Variants in HELB observed in about 807,000 individuals in gnomAD.
The protein encoded by HELB is DNA 5'-3' helicase B.
Under a neutral mutation model 101.7 loss-of-function variants are expected in HELB, and 96 were observed. The ratio of observed to expected loss-of-function variants is 0.94; its 90% CI spans 0.80 to 1.12. HELB has a LOEUF of 1.12. Among genes scored for constraint, HELB ranks in the 50% most tolerant of loss-of-function variants. The pLI, the probability that HELB is intolerant of heterozygous loss-of-function variation, is 0.00. For synonymous variants in HELB, 437 were observed against 459.7 expected (o/e 0.95, Z 0.63); for missense variants, 1,210 against 1,291.9 (o/e 0.94, Z 0.97).
intron 12 of HELB, among the ~76,000 whole-genome samples, chr12:66,334,908 T>G (rs2053850498): frequency 6.6e-6 from 1 of 152,060 alleles, no homozygotes; most frequent in Non-Finnish European, 1.5e-5. Flanking sequence ...GAGAGCCTAG[T>G]GAAAGAGTGG....
intron 11 of HELB, among the ~76,000 whole-genome samples, chr12:66,330,943 A>G (rs543055657): frequency 1.1e-4 from 17 of 152,134 alleles, no homozygotes; most frequent in Non-Finnish European, 1.8e-4. Context: ...TTGTGGACCT[A>G]TGAAACCTGA....
rs1435080810 is a variant in HELB, at chr12:66,315,371, A to G, written c.1988A>G (p.Asp663Gly). 5 of 1,590,106 alleles carry G rather than the reference A, an allele frequency of 3.1e-6. No homozygotes were observed. The South Asian group carries it at 3.5e-5, about 11-fold the overall frequency. Residue 663 changes from aspartate (D) to glycine (G), a missense_variant, in exon 6 of 13, where the codon GAC becomes GGC. Around this residue, in one of 2 missense-constraint regions of HELB, gnomAD observed 740 missense variants for 728.8 expected, o/e 1.02. Transcript: ENST00000247815. Reference protein sequence around the residue: ...NHRAESQLIVDNATRISRRQF... With the variant: ...NHRAESQLIVGNATRISRRQF... ...AGAGCAGAATCTCAGCTCATTGTGG[A>G]CAATGCTACAAGGTATAATATTACT...
At position 66,318,741 on chromosome 12, in the gene HELB, C is replaced by T; in HGVS notation, c.2104C>T (p.Leu702Phe). ...AGATAAGACATTTATTTTTGTCAGG[C>T]TCCCAGAAGAGGATGCCAGTTCTCA... ...IQDKTFIFVRLPEEDASSQSS... is the reference protein window; with the variant it reads ...IQDKTFIFVRFPEEDASSQSS... The change falls in exon 7 of 13, where the codon CTC becomes TTC. Residue 702 changes from leucine (L) to phenylalanine (F), a missense_variant. Leu to Phe is a conservative substitution (Grantham distance 22). Coordinates refer to ENST00000247815, the MANE Select transcript of HELB (RefSeq NM_001370285.1). 1.2e-6 allele frequency: 2 copies of T among 1,611,050 alleles called. No individual in the cohort carries two copies. The highest frequency in any genetic ancestry group is 1.7e-6 in the Non-Finnish European group (2 of 1,178,996).
At chr12:66,323,462 A>G (rs2053697537) in intron 9 of HELB, among the ~76,000 whole-genome samples, 1 of 152,118 alleles carries the variant, frequency 6.6e-6, no homozygotes, top group Non-Finnish European at 1.5e-5. Flanking sequence ...TTCCCTTACC[A>G]AGTTGTAGTA....
At position 66,309,850 on chromosome 12, in the gene HELB, G is replaced by T; in HGVS notation, c.922G>T (p.Asp308Tyr). Residue 308 changes from aspartate (D) to tyrosine (Y), a missense_variant, in exon 4 of 13, where the codon GAT becomes TAT. By Grantham distance (160) the Asp-to-Tyr change is radical. This residue lies in a region of HELB where 470 missense variants were observed against 563.1 expected (regional missense o/e 0.83). Coordinates refer to ENST00000247815, the MANE Select transcript of HELB (RefSeq NM_001370285.1). ...CAGACTGAAGCAGATATGTAGAGAA[G>T]ATGGGCACACATATGTTGAAGTGAA... The part of the protein sequence containing the change: ...YSRLKQICRE[D>Y]GHTYVEVNDL... The T allele has an allele frequency of 6.2e-7, 1 of 1,614,124 alleles. No individual in the cohort carries two copies.
In HELB at chr12:66,314,131, A is replaced by G. The variant is rs1463511567; in HGVS notation, c.1826A>G (p.Glu609Gly). Reference protein sequence around the residue: ...IFKSVLNLLCEHSKLSKLIIL... With the variant: ...IFKSVLNLLCGHSKLSKLIIL... Reference sequence around the variant, plus strand: ...AAATCGGTCTTAAATTTATTGTGTGAGCACTCCAAACTTTCTAAGCTTATT... The same window carrying G: ...AAATCGGTCTTAAATTTATTGTGTGGGCACTCCAAACTTTCTAAGCTTATT... The change falls in exon 5 of 13, where the codon GAG becomes GGG. Residue 609 changes from glutamate (E) to glycine (G), a missense_variant. Glu to Gly is a moderately conservative substitution (Grantham distance 98, BLOSUM62 -2). Transcript: ENST00000247815. The G allele has an allele frequency of 3.7e-6, 6 of 1,613,590 alleles. No homozygotes were observed. Among genetic ancestry groups the G allele is most frequent in the Admixed American group, 3.3e-5 (2 of 59,982 alleles).
chr12:66,321,516 G>A (rs983502288), intron 7 of HELB: 5 of 165,250 alleles, frequency 3.0e-5, no homozygotes, highest in African/African-American at 1.2e-4. Context: ...TGCATATTAA[G>A]TGATATAACA....
Position 66,310,341 on chromosome 12 carries a change from A to G in HELB, c.1413A>G (p.Thr471=). The G allele has an allele frequency of 6.2e-7, 1 of 1,614,218 alleles. No homozygotes were observed. The highest frequency in any genetic ancestry group is 8.5e-7 in the Non-Finnish European group (1 of 1,180,042). ...ALEMICSNPV[T]VISGKGGCGK... The stretch of plus-strand genomic sequence containing the variant: ...AAATGATTTGCTCCAATCCTGTGAC[A>G]GTCATAAGTGGGAAAGGTGGATGTG... The change falls in exon 4 of 13, where the codon ACA becomes ACG. Residue 471 remains threonine, a synonymous_variant. Transcript: ENST00000247815.
At chr12:66,335,318 C>T (rs966564766) in intron 12 of HELB, among the ~76,000 whole-genome samples, 3 of 151,938 alleles carry the variant, frequency 2.0e-5, no homozygotes, top group Non-Finnish European at 4.4e-5. Flanking sequence ...GAGGAGGGGG[C>T]CTGATGACAG....
chr12:66,305,480 C>G (rs141451496), intron 2 of HELB, among the ~76,000 whole-genome samples: 1 of 152,106 alleles, frequency 6.6e-6, no homozygotes, highest in African/African-American at 2.4e-5. Flanking sequence ...GGTAGCTGCT[C>G]ACGTCTGTAA....
intron 11 of HELB, among the ~76,000 whole-genome samples, chr12:66,325,759 T>C (rs2053729927): frequency 6.6e-6 from 1 of 152,218 alleles, no homozygotes; most frequent in South Asian, 2.1e-4. Context: ...ATTTTTTGCC[T>C]TATCAACTTT....
At position 66,309,780 on chromosome 12, in the gene HELB, C is replaced by T; in HGVS notation, c.852C>T (p.Leu284=). The T allele has an allele frequency of 6.2e-7, 1 of 1,614,106 alleles. No homozygotes were observed. Among genetic ancestry groups the T allele is most frequent in the Non-Finnish European group, 8.5e-7 (1 of 1,179,968 alleles). Residue 284 remains leucine (L), a synonymous_variant, in exon 4 of 13, where the codon CTC becomes CTT. Transcript: ENST00000247815. ...WIAFCQCESL[L]QLMTDLEKNA... The stretch of plus-strand genomic sequence containing the variant: ...CATTTTGTCAGTGTGAGTCTCTTCT[C>T]CAGCTGATGACTGATTTGGAGAAGA...
rs1335285458 is a variant in HELB at position 66,318,938 on chromosome 12, T to C, written c.2155+146T>C. ...AAGAGACATTGAAAATAAATGAACT[T>C]AGTAATCATCAAAAGCAGAATACTC... On this transcript the variant is annotated intron_variant, in intron 7 of 12. Transcript: ENST00000247815. 5 of 646,084 alleles carry C rather than the reference T, an allele frequency of 7.7e-6. No homozygotes were observed. The Admixed American group carries it at 1.5e-4, about 19-fold the overall frequency. The allele number at this position is 646,084 out of a possible 1,614,324, so 40.0% of individuals were successfully genotyped here.
At chr12:66,324,625 A>G in intron 10 of HELB, 1 of 302,634 alleles carries the variant, frequency 3.3e-6, no homozygotes, top group Non-Finnish European at 6.3e-6. Context: ...CTCACAGTGT[A>G]GATACCCTCA....
At chr12:66,330,563 C>CTATATATA (rs1179443357) in intron 11 of HELB, among the ~76,000 whole-genome samples, 1 of 146,810 alleles carries the variant, frequency 6.8e-6, no homozygotes, top group African/African-American at 2.5e-5. Context: ...ATCTATCTGT[C>CTATATATA]TATATATATA....
chr12:66,312,824 TA>T (rs1237156313), intron 4 of HELB, among the ~76,000 whole-genome samples: 6 of 152,232 alleles, frequency 3.9e-5, no homozygotes, highest in Non-Finnish European at 8.8e-5. Flanking sequence ...TTGTATCAAA[TA>T]ATTCATTGAC....
At position 66,302,778 on chromosome 12, in the gene HELB, G is replaced by C. The variant is rs908254290; in HGVS notation, c.175G>C (p.Gly59Arg). The C allele has an allele frequency of 8.7e-6, 14 of 1,609,412 alleles. 1 individual carries two copies. The highest frequency in any genetic ancestry group is 1.2e-5 in the Non-Finnish European group (14 of 1,177,050). ...GGGCGTAAAGGCTGGCAGCCTCCCC[G>C]GGTGCCTCCGCGGTGAGGAAGGCGT... ...SGGVKAGSLPGCLRVSICDEN... is the reference protein window; with the variant it reads ...SGGVKAGSLPRCLRVSICDEN... Residue 59 changes from glycine to arginine, a missense_variant, in exon 1 of 13, where the codon GGG (glycine) becomes CGG (arginine). This residue lies in a region of HELB where 470 missense variants were observed against 563.1 expected (regional missense o/e 0.83). Transcript: ENST00000247815.
chr12:66,318,238 GCAACC>G (rs1464276986), intron 6 of HELB, among the ~76,000 whole-genome samples: 2 of 152,240 alleles, frequency 1.3e-5, no homozygotes, highest in Middle Eastern at 6.8e-3. Flanking sequence ...GTGGCCTTGG[GCAACC>G]CACTATACTT....
chr12:66,326,973 T>C (rs1457046977), intron 11 of HELB, among the ~76,000 whole-genome samples: 1 of 128,408 alleles, frequency 7.8e-6, no homozygotes, highest in African/African-American at 3.1e-5. Flanking sequence ...GAGGCAGAGG[T>C]TGCAGCAAGC....
Sources: allele counts gnomAD v4.1 joint callset (sites outside exome capture counted in the v4.1 genomes callset), GRCh38; gene constraint gnomAD v4.1.1; regional missense constraint gnomAD v4.1.1; transcripts MANE v1.5; gene names NCBI Gene and HGNC (gene_info 2026-07-23, HGNC 2026-07-21).